The following REXO4 variants were observed in gnomAD, a reference collection of about 807,000 sequenced individuals.
REXO4 encodes the protein RNA exonuclease 4, also known as REX4 homolog, 3'-5' exonuclease.
In REXO4, 29 loss-of-function variants were observed where a neutral mutation model predicts 39.9. The observed-to-expected ratio is 0.73, with a 90% CI of 0.54 to 0.99. The LOEUF is 0.99. Ranked by LOEUF, REXO4 falls within the 50% of genes least tolerant of loss-of-function variation. The pLI is 0.00. For missense variants in REXO4, 524 were observed against 546.5 expected, an observed-to-expected ratio of 0.96 and a Z score of 0.41; for synonymous variants, 184 against 206.2, an observed-to-expected ratio of 0.89 and a Z score of 0.92.
chr9:133,417,576 G>C (rs587761152), intron 1 of REXO4, 44 bp downstream of exon 1: 2 of 1,592,028 alleles, frequency 1.3e-6, no homozygotes, highest in African/African-American at 1.3e-5. Context: ...CGTTCTGCGG[G>C]AATGAGCTGC....
chr9:133,406,996 C>T lies in REXO4; in HGVS notation c.1226G>A (p.Arg409His), dbSNP rs1213225220. The T allele has an allele frequency of 3.7e-6, 6 of 1,612,784 alleles. No homozygotes were observed. Among genetic ancestry groups the T allele is most frequent in the Middle Eastern group, 1.6e-4 (1 of 6,084 alleles). The change falls in exon 8 of 8, where the codon CGC becomes CAC. Residue 409 changes from arginine to histidine, a missense_variant. Transcript: ENST00000371942. ...GTGGTCTGGAGCAGTCAGCAGGGGG[C>T]GCCTGTCTCGGGCCATGCTCTCCCA... ...KEWESMARDR[R>H]PLLTAPDHCS...
chr9:133,410,662 C>A (rs962127846), intron 5 of REXO4, among the ~76,000 whole-genome samples: 2 of 152,238 alleles, frequency 1.3e-5, no homozygotes, highest in African/African-American at 4.8e-5. Context: ...TGTGGAGGGA[C>A]CCTGGTCACG....
intron 6 of REXO4, 139 bp downstream of exon 6, chr9:133,408,629 A>T: frequency 1.5e-6 from 1 of 645,904 alleles, no homozygotes; most frequent in Non-Finnish European, 2.8e-6. Flanking sequence ...CTCTATTTTT[A>T]AACATTCCTT....
intron 4 of REXO4, among the ~76,000 whole-genome samples, chr9:133,411,609 T>C (rs1003319862): frequency 6.6e-6 from 1 of 152,186 alleles, no homozygotes; most frequent in East Asian, 1.9e-4. Flanking sequence ...CCGAGCCAAG[T>C]GGGACCAGCT....
intron 5 of REXO4, among the ~76,000 whole-genome samples, chr9:133,409,702 C>G (rs1554779748): frequency 6.6e-6 from 1 of 152,158 alleles, no homozygotes; most frequent in East Asian, 1.9e-4. Flanking sequence ...GCTGGGACAA[C>G]AGGCACACGC....
chr9:133,417,681 G>C lies in REXO4; in HGVS notation c.164C>G (p.Ala55Gly). The stretch of plus-strand genomic sequence containing the variant: ...TGGTGCCTTTGGAGGTCGCACCACA[G>C]CACCGGGGCCGCTTGCTGGCTTCTT... ...VSKKPASGPG[A>G]VVRPPKAPED... Residue 55 changes from alanine (A) to glycine (G), a missense_variant, in exon 1 of 8, where the codon GCT becomes GGT. Ala to Gly is a moderately conservative substitution (Grantham distance 60, BLOSUM62 0). Coordinates refer to ENST00000371942, the MANE Select transcript of REXO4 (RefSeq NM_020385.4). The C allele has an allele frequency of 6.2e-7, 1 of 1,614,088 alleles. No individual in the cohort carries two copies. The highest frequency in any genetic ancestry group is 8.5e-7 in the Non-Finnish European group (1 of 1,179,974).
At chr9:133,414,472 G>T (rs782118247) in intron 2 of REXO4, 193 bp downstream of exon 2, 1 of 707,894 alleles carries the variant, frequency 1.4e-6, no homozygotes, top group African/African-American at 1.7e-5. Context: ...CTCAACGCTC[G>T]GAAGAAGCAG....
At position 133,406,829 on chromosome 9, in the gene REXO4, C is replaced by T; in HGVS notation, c.*124G>A. On this transcript the variant is annotated 3_prime_UTR_variant, in exon 8 of 8. Transcript: ENST00000371942. ...GGACCTTCTCAGTAGCACCACGCCA[C>T]GCCCCTCTGCCATGATTCTGAAAAG... 4.9e-6 allele frequency: 7 copies of T among 1,416,190 alleles called. No homozygotes were observed. The highest frequency in any genetic ancestry group is 2.5e-5 in the South Asian group (2 of 80,362). The allele number at this position is 1,416,190 out of a possible 1,614,324, so 87.7% of individuals were successfully genotyped here.
intron 1 of REXO4, among the ~76,000 whole-genome samples, chr9:133,415,318 C>G (rs1394983922): frequency 6.6e-6 from 1 of 152,114 alleles, no homozygotes; most frequent in Non-Finnish European, 1.5e-5. Context: ...TGGCTGGACA[C>G]CACAGACCAC....
intron 4 of REXO4, among the ~76,000 whole-genome samples, 159 bp from the exon 5 acceptor site, chr9:133,411,232 C>T (rs1037874153): frequency 2.0e-5 from 3 of 152,330 alleles, no homozygotes; most frequent in Middle Eastern, 3.4e-3. Flanking sequence ...CATCCACCCA[C>T]CCCCCTGGGA....
intron 5 of REXO4, 62 bp from the exon 6 acceptor site, chr9:133,408,904 T>TC: frequency 1.2e-6 from 1 of 862,408 alleles, no homozygotes; most frequent in East Asian, 3.0e-5. Context: ...CAGAACCCCC[T>TC]CCCCCCGCCA....
In REXO4 at chr9:133,417,631, C is replaced by G; in HGVS notation, c.214G>C (p.Ala72Pro). 6.2e-7 allele frequency: 1 copy of G among 1,613,796 alleles called. No individual in the cohort carries two copies. Among genetic ancestry groups the G allele is most frequent in the Non-Finnish European group, 8.5e-7 (1 of 1,179,886 alleles). Residue 72 changes from alanine to proline, a missense_variant, in exon 1 of 8, where the codon GCG (alanine) becomes CCG (proline). Coordinates refer to ENST00000371942, the MANE Select transcript of REXO4 (RefSeq NM_020385.4). ...APEDFSQNWK[A>P]LQEWLLKQKS... ...CCCTCAAGCCTCACCTCTTGCAGCG[C>G]CTTCCAGTTTTGAGAAAAGTCTTCT... is the stretch of plus-strand genomic sequence containing the variant.
chr9:133,410,582 C>T (rs1839160595), intron 5 of REXO4, among the ~76,000 whole-genome samples: 1 of 152,250 alleles, frequency 6.6e-6, no homozygotes, highest in South Asian at 2.1e-4. Context: ...CTCCCAGGGC[C>T]AGGGTGATGG....
Position 133,406,771 on chromosome 9 carries a change from C to A in REXO4, c.*182G>T. ...GCCCAAACACACATGGACAGTAAGACCAGGTTTCAGACCACAAAGTCAAGA... is the reference window on the plus strand; with the variant it reads ...GCCCAAACACACATGGACAGTAAGAACAGGTTTCAGACCACAAAGTCAAGA... On this transcript the variant is annotated 3_prime_UTR_variant, in exon 8 of 8. Transcript: ENST00000371942. 1.1e-6 allele frequency: 1 copy of A among 887,866 alleles called. No individual in the cohort carries two copies. Among genetic ancestry groups the A allele is most frequent in the South Asian group, 1.6e-5 (1 of 61,102 alleles). 55.0% of individuals were successfully genotyped at this position (887,866 alleles called of 1,614,324 possible).
intron 5 of REXO4, among the ~76,000 whole-genome samples, chr9:133,409,441 AC>A (rs1839098531): frequency 6.6e-6 from 1 of 152,246 alleles, no homozygotes; most frequent in Non-Finnish European, 1.5e-5. Context: ...AAAACAGTCA[AC>A]AGTTAACCAG....
intron 7 of REXO4, 27 bp downstream of exon 7, chr9:133,407,780 A>C (rs981604257): frequency 1.3e-5 from 21 of 1,605,360 alleles, no homozygotes; most frequent in Non-Finnish European, 1.8e-5. Flanking sequence ...CCCAAACCCC[A>C]TGAACTACCC....
chr9:133,408,985 T>TGTGA (rs1347123389), intron 5 of REXO4, 143 bp from the exon 6 acceptor site: 26 of 459,624 alleles, frequency 5.7e-5, no homozygotes, highest in Non-Finnish European at 8.4e-5. Context: ...TGTGTGTGTG[T>TGTGA]GACGGAGTCT....
rs1838891447 is a variant in REXO4, at chr9:133,406,653, G to A, written c.*300C>T. The A allele has an allele frequency of 7.0e-6, 3 of 429,674 alleles. No homozygotes were observed. The highest frequency in any genetic ancestry group is 3.5e-5 in the Admixed American group (1 of 28,690). The allele number at this position is 429,674 out of a possible 1,614,324, so 26.6% of individuals were successfully genotyped here. A position where few individuals can be genotyped will look rare whatever the true frequency, so the allele number is the denominator to read the frequency against. On this transcript the variant is annotated 3_prime_UTR_variant, in exon 8 of 8. Transcript: ENST00000371942. Reference sequence around the variant, plus strand: ...CACCGTATGGACTGGCGGCCCACAGGCCCCAACCTCACCTGGCCCAGGGGG... The same window carrying A: ...CACCGTATGGACTGGCGGCCCACAGACCCCAACCTCACCTGGCCCAGGGGG...
Position 133,414,913 on chromosome 9 carries a change from T to C in REXO4, c.324A>G (p.Lys108=). Residue 108 remains lysine, a synonymous_variant, in exon 2 of 8, where the codon AAA becomes AAG. Coordinates refer to ENST00000371942, the MANE Select transcript of REXO4 (RefSeq NM_020385.4). ...KKPKIIQQNK[K]ETSPQVKGEE... ...CTCCCTTCACTTGAGGCGAGGTCTCTTTTTTGTTTTGCTGGATAATTTTGG... is the reference window on the plus strand; with the variant it reads ...CTCCCTTCACTTGAGGCGAGGTCTCCTTTTTGTTTTGCTGGATAATTTTGG... 6.2e-7 allele frequency: 1 copy of C among 1,614,038 alleles called. No homozygotes were observed. The highest frequency in any genetic ancestry group is 1.7e-5 in the Admixed American group (1 of 60,004).
Sources: gnomAD v4.1 joint callset for allele counts (sites outside exome capture counted in the v4.1 genomes callset) on GRCh38, gnomAD v4.1.1 for gene constraint, MANE v1.5 for transcripts, NCBI Gene and HGNC (gene_info 2026-07-23, HGNC 2026-07-21) for gene names.